RAI1: variants seen among roughly 807,000 people sequenced by gnomAD.
RAI1 encodes the protein retinoic acid-induced protein 1.
A neutral mutation model predicts 123.8 loss-of-function variants in RAI1; 9 were observed. The ratio of observed to expected loss-of-function variants is 0.07; its 90% CI spans 0.04 to 0.13. The LOEUF (loss-of-function observed/expected upper bound fraction) is 0.13. Among genes scored for constraint, RAI1 ranks in the 10% least tolerant of loss-of-function variants. The pLI, the probability that RAI1 is intolerant of heterozygous loss-of-function variation, is 1.00. For synonymous variants in RAI1, 1,231 were observed against 1,127.3 expected (o/e 1.09, Z -1.84); for missense variants, 2,256 against 2,545.8 (o/e 0.89, Z 2.45).
chr17:17,797,798 C>T lies in RAI1; in HGVS notation c.4850C>T (p.Pro1617Leu). ...FTTICTVVNS[P>L]GDAPKPHRKP... is the part of the protein sequence containing the mutation. ...ACCATATGCACTGTTGTCAACTCCC[C>T]TGGAGATGCGCCCAAGCCCCACAGG... is the stretch of plus-strand genomic sequence containing the variant. Residue 1617 changes from proline (P) to leucine (L), a missense_variant, in exon 3 of 6, where the codon CCT (proline) becomes CTT (leucine). This residue lies in a region of RAI1 where 410 missense variants were observed against 374.6 expected (regional missense o/e 1.09). Coordinates refer to ENST00000353383, the MANE Select transcript of RAI1 (RefSeq NM_030665.4). 1 of 1,614,062 alleles carries T rather than the reference C, an allele frequency of 6.2e-7. No homozygotes were observed. The highest frequency in any genetic ancestry group is 8.5e-7 in the Non-Finnish European group (1 of 1,180,034).
chr17:17,789,217 G>A (rs776536042), intron 2 of RAI1, among the ~76,000 whole-genome samples: 4 of 152,222 alleles, frequency 2.6e-5, no homozygotes, highest in African/African-American at 4.8e-5. Flanking sequence ...TGCTGAGGGC[G>A]TCCTGCATAG....
chr17:17,682,884 G>T (rs1341493515), intron 1 of RAI1, among the ~76,000 whole-genome samples: 1 of 152,176 alleles, frequency 6.6e-6, no homozygotes, highest in African/African-American at 2.4e-5. Context: ...TGAATGGATG[G>T]GAGCGAGTGT....
intron 2 of RAI1, among the ~76,000 whole-genome samples, chr17:17,746,590 G>C (rs1442264580): frequency 6.6e-6 from 1 of 151,248 alleles, no homozygotes; most frequent in South Asian, 2.1e-4. Context: ...GCCATCGCCT[G>C]TCCCAGAGCA....
At chr17:17,715,304 C>G (rs1598029842) in intron 1 of RAI1, among the ~76,000 whole-genome samples, 1 of 152,248 alleles carries the variant, frequency 6.6e-6, no homozygotes, top group Admixed American at 6.5e-5. Context: ...AGCCCCATGA[C>G]AAGCTGTGAG....
In RAI1 at chr17:17,809,618, C is replaced by T. The variant is rs1486230582; in HGVS notation, c.5709+179C>T. The stretch of plus-strand genomic sequence containing the variant: ...GCCCCCGCCGCCGTCCAGCTCAGGT[C>T]CCTGTCCACTTGCGCGCCGCCGCCG... On this transcript the variant is annotated intron_variant, in intron 5 of 5. Transcript: ENST00000353383. The surrounding 1 kb of genome is among the most constrained non-coding windows in gnomAD (Gnocchi z 4.9). 2.6e-5 allele frequency among the ~76,000 whole-genome samples: 4 copies of T among 152,054 alleles called. No individual in the cohort carries two copies. Among genetic ancestry groups the T allele is most frequent in the African/African-American group, 4.8e-5 (2 of 41,428 alleles).
chr17:17,694,823 C>CGCGGG (rs1041309316), intron 1 of RAI1, among the ~76,000 whole-genome samples: 3 of 150,808 alleles, frequency 2.0e-5, no homozygotes, highest in South Asian at 4.2e-4. Flanking sequence ...TTCGCGGGGC[C>CGCGGG]GCGGGGCGGG....
Position 17,803,866 on chromosome 17 carries a change from G to C in RAI1, c.5659+17G>C. On this transcript the variant is annotated intron_variant, in intron 4 of 5. Coordinates refer to ENST00000353383, the MANE Select transcript of RAI1 (RefSeq NM_030665.4). ...GCGATGCAGGTACGAGCCCGCCCAG[G>C]AACAGGAGGGCATTGGAGCCCATCC... 6.2e-7 allele frequency: 1 copy of C among 1,608,680 alleles called. No individual in the cohort carries two copies.
chr17:17,794,888 G>A lies in RAI1; in HGVS notation c.1940G>A (p.Ser647Asn), dbSNP rs770317415. 1 of 1,613,474 alleles carries A rather than the reference G, an allele frequency of 6.2e-7. No individual in the cohort carries two copies. Among genetic ancestry groups the A allele is most frequent in the Non-Finnish European group, 8.5e-7 (1 of 1,180,010 alleles). Reference protein sequence around the residue: ...SKPPFSLENHSACLDSVAKSA... With the variant: ...SKPPFSLENHNACLDSVAKSA... ...CCACCCTTCTCGCTGGAGAACCACA[G>A]CGCCTGCCTGGACTCTGTGGCCAAG... The change falls in exon 3 of 6, where the codon AGC (serine) becomes AAC (asparagine). Residue 647 changes from serine to asparagine, a missense_variant. Physicochemically the swap from Ser to Asn is conservative, Grantham distance 46. Transcript: ENST00000353383.
chr17:17,795,195 A>G lies in RAI1; in HGVS notation c.2247A>G (p.Glu749=). 1 of 1,613,954 alleles carries G rather than the reference A, an allele frequency of 6.2e-7. No homozygotes were observed. The highest frequency in any genetic ancestry group is 1.1e-5 in the South Asian group (1 of 91,076). The change falls in exon 3 of 6, where the codon GAA becomes GAG. Residue 749 remains glutamate (E), a synonymous_variant. Transcript: ENST00000353383. This position sits in a 1 kb window ranked among gnomAD's most constrained non-coding sequence, Gnocchi z 5.9. ...CCAACCCCTTTGCCTGGCCAGAGGAAAACCTGGGGGATGCTTGTCCCAGGT... is the reference window on the plus strand; with the variant it reads ...CCAACCCCTTTGCCTGGCCAGAGGAGAACCTGGGGGATGCTTGTCCCAGGT... ...DSANPFAWPE[E]NLGDACPRWG... is the part of the protein sequence containing the mutation.
intron 1 of RAI1, among the ~76,000 whole-genome samples, chr17:17,708,453 C>T (rs368514152): frequency 2.6e-5 from 4 of 150,972 alleles, no homozygotes; most frequent in Non-Finnish European, 4.4e-5. Flanking sequence ...CATTTTTTTC[C>T]CTTAGAGACA....
Position 17,809,007 on chromosome 17 carries a change from AAG to A in RAI1, c.5660-381_5660-380del, listed in dbSNP as rs1346849994. Reference sequence around the variant, plus strand: ...TCTGGGAGCTTGCCTGCCAGTGGGGAAGAAACAAGGAGCAAGACAAGATCACA... The same window carrying A: ...TCTGGGAGCTTGCCTGCCAGTGGGGAAAACAAGGAGCAAGACAAGATCACA... On this transcript the variant is annotated intron_variant, in intron 4 of 5. Coordinates refer to ENST00000353383, the MANE Select transcript of RAI1 (RefSeq NM_030665.4). The surrounding 1 kb of genome is among the most constrained non-coding windows in gnomAD (Gnocchi z 4.9). Among the ~76,000 whole-genome samples, 1 of 152,092 alleles carries A rather than the reference AAG, an allele frequency of 6.6e-6. No individual in the cohort carries two copies. Among genetic ancestry groups the A allele is most frequent in the Non-Finnish European group, 1.5e-5 (1 of 67,998 alleles).
intron 3 of RAI1, chr17:17,802,084 C>T (rs776032219): frequency 6.4e-5 from 30 of 470,878 alleles, no homozygotes; most frequent in Non-Finnish European, 1.1e-4. Flanking sequence ...TCTCCCTCCC[C>T]GGCCTCAGGT....
At chr17:17,802,564 CAGG>C (rs1054891144) in intron 3 of RAI1, among the ~76,000 whole-genome samples, 7 of 151,426 alleles carry the variant, frequency 4.6e-5, no homozygotes, top group African/African-American at 1.7e-4. Flanking sequence ...ATCACGAGGT[CAGG>C]AGATCGAGAC....
intron 4 of RAI1, among the ~76,000 whole-genome samples, chr17:17,805,566 C>T (rs539640974): frequency 1.3e-5 from 2 of 152,334 alleles, no homozygotes; most frequent in East Asian, 3.9e-4. Context: ...TTTGCCTGGA[C>T]AGGGGACCAC....
chr17:17,711,287 C>G (rs902527825), intron 1 of RAI1, among the ~76,000 whole-genome samples: 2 of 152,182 alleles, frequency 1.3e-5, no homozygotes, highest in African/African-American at 4.8e-5. Context: ...CCTGGAGCAC[C>G]CGTCCCCCAT....
At chr17:17,773,974 T>C (rs571065585) in intron 2 of RAI1, among the ~76,000 whole-genome samples, 8 of 152,332 alleles carry the variant, frequency 5.3e-5, no homozygotes, top group African/African-American at 1.9e-4. Context: ...TAATCTATAA[T>C]TTAAAATTAC....
At position 17,810,111 on chromosome 17, in the gene RAI1, TC is replaced by T; in HGVS notation, c.*132del. On this transcript the variant is annotated 3_prime_UTR_variant, in exon 6 of 6. Transcript: ENST00000353383. This position sits in a 1 kb window ranked among gnomAD's most constrained non-coding sequence, Gnocchi z 4.6. ...GCGCTGGTCCAGAGCCGATCCTTGA[TC>T]CGGGTCCCGGATCGTGGATCCGGCC... 1 of 1,299,556 alleles carries T rather than the reference TC, an allele frequency of 7.7e-7. No homozygotes were observed. Among genetic ancestry groups the T allele is most frequent in the Non-Finnish European group, 1.0e-6 (1 of 969,892 alleles). 80.5% of individuals were successfully genotyped at this position (1,299,556 alleles called of 1,614,324 possible). A position where few individuals can be genotyped will look rare whatever the true frequency, so the allele number is the denominator to read the frequency against.
chr17:17,795,814 C>A lies in RAI1; in HGVS notation c.2866C>A (p.Pro956Thr). The part of the protein sequence containing the change: ...LSHMKPGEEG[P>T]DGERAPGDST... ...ACACATGAAGCCAGGTGAAGAGGGG[C>A]CTGATGGGGAGCGAGCTCCAGGGGA... is the stretch of plus-strand genomic sequence containing the variant. Residue 956 changes from proline (P) to threonine (T), a missense_variant, in exon 3 of 6, where the codon CCT becomes ACT. By Grantham distance (38) the Pro-to-Thr change is conservative. Coordinates refer to ENST00000353383, the MANE Select transcript of RAI1 (RefSeq NM_030665.4). The surrounding 1 kb of genome is among the most constrained non-coding windows in gnomAD (Gnocchi z 5.9). 6.2e-7 allele frequency: 1 copy of A among 1,613,602 alleles called. No homozygotes were observed. Among genetic ancestry groups the A allele is most frequent in the Non-Finnish European group, 8.5e-7 (1 of 1,180,012 alleles).
chr17:17,789,775 G>A (rs1043818278), intron 2 of RAI1, among the ~76,000 whole-genome samples: 2 of 152,230 alleles, frequency 1.3e-5, no homozygotes, highest in African/African-American at 4.8e-5. Context: ...TTGGAGATAA[G>A]GCCTGGACCA....
Sources: allele counts gnomAD v4.1 joint callset (sites outside exome capture counted in the v4.1 genomes callset), GRCh38; gene constraint gnomAD v4.1.1; regional missense constraint gnomAD v4.1.1; non-coding constraint Gnocchi (gnomAD v3.1); transcripts MANE v1.5; gene names NCBI Gene and HGNC (gene_info 2026-07-23, HGNC 2026-07-21).